Variants in HPSE2 observed in about 807,000 individuals in gnomAD.
HPSE2 encodes the protein inactive heparanase-2.
In HPSE2, 38 loss-of-function variants were observed where a neutral mutation model predicts 60.5. That is an observed-to-expected ratio of 0.63 (90% confidence interval 0.48 to 0.82). The LOEUF (loss-of-function observed/expected upper bound fraction) is 0.82, where lower values mean the gene tolerates loss of function less well. HPSE2 is among the 40% of genes least tolerant of loss of function. The pLI, the probability that HPSE2 is intolerant of heterozygous loss-of-function variation, is 0.00. For synonymous variants in HPSE2, 295 were observed against 293.2 expected (o/e 1.01, Z -0.06); for missense variants, 713 against 740.4 (o/e 0.96, Z 0.43).
At chr10:98,811,290 G>A (rs1448784953) in intron 3 of HPSE2, among the ~76,000 whole-genome samples, 2 of 152,066 alleles carry the variant, frequency 1.3e-5, no homozygotes, top group Admixed American at 6.6e-5. Flanking sequence ...CCTCACAATT[G>A]TAATTACAGA....
chr10:98,688,279 T>C (rs904847197), intron 6 of HPSE2, among the ~76,000 whole-genome samples: 34 of 152,010 alleles, frequency 2.2e-4, no homozygotes, highest in Admixed American at 5.2e-4. Flanking sequence ...TCTACATATG[T>C]TATCAACCCC....
intron 3 of HPSE2, among the ~76,000 whole-genome samples, chr10:98,975,333 T>G (rs888832508): frequency 6.6e-6 from 1 of 152,146 alleles, no homozygotes; most frequent in Non-Finnish European, 1.5e-5. Flanking sequence ...TCATAAGACA[T>G]TTACTCTTTC....
At chr10:98,994,945 G>A (rs573414818) in intron 3 of HPSE2, among the ~76,000 whole-genome samples, 4 of 152,316 alleles carry the variant, frequency 2.6e-5, no homozygotes, top group African/African-American at 9.6e-5. Flanking sequence ...CAGCACCTTT[G>A]GGCCAAGACC....
rs1956701725 is a variant in HPSE2, at chr10:98,998,565, T to A, written c.610+145673A>T. ...CCCTGGAAACGTAGGTTCTCCTTCA[T>A]TTAGTTCCAAACTTTTCTGGATGCT... On this transcript the variant is annotated intron_variant, in intron 3 of 11. Transcript: ENST00000370552. 2.0e-5 allele frequency among the ~76,000 whole-genome samples: 3 copies of A among 152,210 alleles called. No individual in the cohort carries two copies. In the South Asian group the frequency reaches 6.2e-4, roughly 31 times the overall value.
chr10:99,224,484 G>A (rs1279385508), intron 2 of HPSE2, among the ~76,000 whole-genome samples: 1 of 151,158 alleles, frequency 6.6e-6, no homozygotes, highest in East Asian at 1.9e-4. Context: ...CTGTCTTACA[G>A]ACTGAGATAG....
rs573124661 is a variant in HPSE2, at chr10:98,506,453, CT to C, written c.1321-16258del. 2.3e-3 allele frequency among the ~76,000 whole-genome samples: 352 copies of C among 151,264 alleles called. 3 individuals carry two copies. Among genetic ancestry groups the C allele is most frequent in the African/African-American group, 8.1e-3 (334 of 41,260 alleles). On this transcript the variant is annotated intron_variant, in intron 9 of 11. Transcript: ENST00000370552. ...TTTCCCTTTCTTTCTCCTTTTCTTT[CT>C]TTTTTTTTGAGACAAGGTCTTGCTT...
At chr10:98,990,121 T>C (rs1323308879) in intron 3 of HPSE2, among the ~76,000 whole-genome samples, 1 of 152,214 alleles carries the variant, frequency 6.6e-6, no homozygotes, top group Non-Finnish European at 1.5e-5. Flanking sequence ...GATGCAGCTG[T>C]ACAACTCAAG....
intron 3 of HPSE2, among the ~76,000 whole-genome samples, chr10:98,805,104 T>A (rs935650814): frequency 2.6e-5 from 4 of 151,998 alleles, no homozygotes; most frequent in Non-Finnish European, 5.9e-5. Flanking sequence ...CTCATGGAGA[T>A]AAGAGAGTAG....
At chr10:98,510,856 T>TAAAC (rs147605078) in intron 9 of HPSE2, among the ~76,000 whole-genome samples, 3,629 of 152,288 alleles carry the variant, frequency 0.024, 54 homozygotes, top group Middle Eastern at 0.044. Flanking sequence ...CTGACTAAAG[T>TAAAC]ATCACATGAG....
At chr10:98,626,584 G>A (rs1946220108) in intron 7 of HPSE2, among the ~76,000 whole-genome samples, 2 of 152,010 alleles carry the variant, frequency 1.3e-5, no homozygotes, top group South Asian at 4.2e-4. Context: ...ACCTAATGCA[G>A]TCTACATATT....
At chr10:98,528,526 T>C (rs1032283175) in intron 9 of HPSE2, among the ~76,000 whole-genome samples, 36 of 151,834 alleles carry the variant, frequency 2.4e-4, no homozygotes, top group African/African-American at 8.5e-4. Context: ...CCAGGCCACA[T>C]GGTGATTCCA....
chr10:99,251,862 CA>C, the HPSE2 span, among the ~76,000 whole-genome samples: 22,997 of 56,408 alleles, frequency 0.41, 3,432 homozygotes, highest in Non-Finnish European at 0.52. Context: ...CTCTCTCTAC[CA>C]AAAAAAAAAA....
intron 3 of HPSE2, among the ~76,000 whole-genome samples, chr10:98,815,842 G>A (rs1951274367): frequency 1.3e-5 from 2 of 152,008 alleles, no homozygotes; most frequent in African/African-American, 4.8e-5. Flanking sequence ...ATTTACGTAA[G>A]ATTTAAAATG....
intron 3 of HPSE2, among the ~76,000 whole-genome samples, chr10:98,753,878 T>C (rs1475707393): frequency 6.6e-6 from 1 of 152,106 alleles, no homozygotes; most frequent in Non-Finnish European, 1.5e-5. Context: ...AACTTCAAAA[T>C]TAAAGGAACA....
chr10:98,710,271 G>A (rs899067958), intron 5 of HPSE2, among the ~76,000 whole-genome samples: 1 of 151,778 alleles, frequency 6.6e-6, no homozygotes, highest in Admixed American at 6.6e-5. Context: ...CTCACCTTCA[G>A]TCCTCCATTT....
At chr10:98,632,466 G>A (rs1339996634) in intron 7 of HPSE2, among the ~76,000 whole-genome samples, 2 of 152,120 alleles carry the variant, frequency 1.3e-5, no homozygotes, top group Non-Finnish European at 2.9e-5. Flanking sequence ...GGAAATTAAG[G>A]TTCATGGAAT....
chr10:99,232,250 CACACACGA>C, intron 2 of HPSE2, 90 bp downstream of exon 2: 3 of 1,366,792 alleles, frequency 2.2e-6, no homozygotes, highest in Non-Finnish European at 3.1e-6. Flanking sequence ...CACACACACA[CACACACGA>C]ACACACAGAC....
chr10:99,076,576 C>T (rs777382847), intron 3 of HPSE2, among the ~76,000 whole-genome samples: 3 of 151,948 alleles, frequency 2.0e-5, no homozygotes, highest in Non-Finnish European at 2.9e-5. Context: ...TTAGTGGAGA[C>T]GGGCTTTTGT....
At chr10:99,064,628 C>G in intron 3 of HPSE2, among the ~76,000 whole-genome samples, 1 of 149,964 alleles carries the variant, frequency 6.7e-6, no homozygotes, top group Admixed American at 6.7e-5. Context: ...TATATATCTC[C>G]CGTAATTTTC....
Sources: gnomAD v4.1 joint callset for allele counts (sites outside exome capture counted in the v4.1 genomes callset) on GRCh38, gnomAD v4.1.1 for gene constraint, MANE v1.5 for transcripts, NCBI Gene and HGNC (gene_info 2026-07-23, HGNC 2026-07-21) for gene names.